MED12L: variants seen among roughly 807,000 people sequenced by gnomAD.
MED12L encodes mediator complex subunit 12L, also known as mediator of RNA polymerase II transcription subunit 12-like protein.
In MED12L, 60 loss-of-function variants were observed where a neutral mutation model predicts 281.3. The ratio of observed to expected loss-of-function variants is 0.21; its 90% CI spans 0.17 to 0.26. MED12L has a LOEUF of 0.26. MED12L is among the 10% of genes least tolerant of loss of function. The probability of loss-of-function intolerance (pLI) is 1.00; values close to 1 mark genes in which losing one functional copy is unlikely to be tolerated. For missense variants in MED12L, 2,146 were observed against 2,680.9 expected, an observed-to-expected ratio of 0.80 and a Z score of 4.41; for synonymous variants, 974 against 987.2, an observed-to-expected ratio of 0.99 and a Z score of 0.25.
At chr3:151,145,692 A>C (rs937853687) in intron 5 of MED12L, among the ~76,000 whole-genome samples, 3 of 152,178 alleles carry the variant, frequency 2.0e-5, no homozygotes, top group Non-Finnish European at 4.4e-5. Context: ...AGTTATCTCA[A>C]AATAAGAAGT....
At chr3:151,340,835 A>G (rs959117405) in intron 16 of MED12L, 4 of 152,536 alleles carry the variant, frequency 2.6e-5, no homozygotes, top group Admixed American at 1.3e-4. Flanking sequence ...ACTCAAAGCT[A>G]TGCAGACACT....
Position 151,376,168 on chromosome 3 carries a change from C to T in MED12L, c.4007C>T (p.Thr1336Ile), listed in dbSNP as rs769743820. The T allele has an allele frequency of 5.6e-6, 9 of 1,605,704 alleles. No individual in the cohort carries two copies. The highest frequency in any genetic ancestry group is 7.6e-6 in the Non-Finnish European group (9 of 1,177,026). ...TATCCTCATGGCATTAAAGAATGTACCGAGGGGGACAATCTGCAAAGACAG... is the reference window on the plus strand; with the variant it reads ...TATCCTCATGGCATTAAAGAATGTATCGAGGGGGACAATCTGCAAAGACAG... ...ICYPHGIKEC[T>I]EGDNLQRQHI... The change falls in exon 28 of 45, where the codon ACC becomes ATC. Residue 1336 changes from threonine to isoleucine, a missense_variant. Coordinates refer to ENST00000687756, the MANE Select transcript of MED12L (RefSeq NM_001393769.1).
At chr3:151,151,382 C>G (rs928133954) in intron 5 of MED12L, among the ~76,000 whole-genome samples, 105 of 151,998 alleles carry the variant, frequency 6.9e-4, no homozygotes, top group African/African-American at 2.5e-3. Context: ...CCTTTGCGTC[C>G]ACAGGTTGGC....
chr3:151,094,659 A>C (rs956990992), intron 2 of MED12L, among the ~76,000 whole-genome samples: 2 of 152,214 alleles, frequency 1.3e-5, no homozygotes, highest in Non-Finnish European at 2.9e-5. Flanking sequence ...CAGTAGCTTA[A>C]TTTTGACTTA....
At chr3:151,415,399 C>G (rs995475289) in intron 42 of MED12L, among the ~76,000 whole-genome samples, 5 of 152,202 alleles carry the variant, frequency 3.3e-5, no homozygotes, top group African/African-American at 1.2e-4. Flanking sequence ...ATATTGCAGT[C>G]ATTGTGATTT....
intron 6 of MED12L, among the ~76,000 whole-genome samples, chr3:151,156,617 T>C (rs1183663382): frequency 6.6e-6 from 1 of 152,184 alleles, no homozygotes; most frequent in Non-Finnish European, 1.5e-5. Flanking sequence ...AACCTTTTAT[T>C]TTGCAAAATT....
chr3:151,388,514 T>A (rs531296986), intron 37 of MED12L, among the ~76,000 whole-genome samples: 222 of 152,364 alleles, frequency 1.5e-3, no homozygotes, highest in African/African-American at 4.9e-3. Flanking sequence ...ATTTTTAATA[T>A]GTCTAAAATA....
rs142207109 is a variant in MED12L at position 151,165,862 on chromosome 3, G to C, written c.1374G>C (p.Arg458=). 96 of 1,613,592 alleles carry C rather than the reference G, an allele frequency of 5.9e-5. No individual in the cohort carries two copies. Among genetic ancestry groups the C allele is most frequent in the Non-Finnish European group, 6.2e-5 (73 of 1,179,920 alleles). The change falls in exon 11 of 45, where the codon CGG becomes CGC. Residue 458 remains arginine (R), a synonymous_variant. Coordinates refer to ENST00000687756, the MANE Select transcript of MED12L (RefSeq NM_001393769.1). ...QESTAGVTIS[R]VLHTLEVLDR... ...TGCCTATAGGGGTGACTATTAGTCG[G>C]GTTTTGCACACGTTGGAAGTTTTGG...
intron 3 of MED12L, among the ~76,000 whole-genome samples, chr3:151,119,021 T>G (rs753373837): frequency 3.9e-5 from 6 of 152,164 alleles, no homozygotes; most frequent in Non-Finnish European, 8.8e-5. Context: ...TTGGTCTACT[T>G]TAAAAAATTG....
At chr3:151,417,441 A>G (rs916137914) in intron 43 of MED12L, among the ~76,000 whole-genome samples, 3 of 148,394 alleles carry the variant, frequency 2.0e-5, no homozygotes, top group African/African-American at 7.5e-5. Flanking sequence ...CATTTAACAA[A>G]CTCTGCGTAA....
chr3:151,338,174 C>G (rs533622869), intron 16 of MED12L: 20 of 1,613,918 alleles, frequency 1.2e-5, no homozygotes, highest in Non-Finnish European at 1.7e-5. Flanking sequence ...TACCTACACC[C>G]CTCGTTCTTA....
intron 16 of MED12L, among the ~76,000 whole-genome samples, chr3:151,267,203 G>A (rs1208590732): frequency 3.3e-5 from 5 of 152,136 alleles, no homozygotes; most frequent in Non-Finnish European, 5.9e-5. Flanking sequence ...ATTCCTTACT[G>A]GGAGATTTTT....
At chr3:151,152,975 C>T (rs1357387217) in intron 5 of MED12L, among the ~76,000 whole-genome samples, 3 of 152,190 alleles carry the variant, frequency 2.0e-5, no homozygotes, top group Admixed American at 6.5e-5. Context: ...TGCAGGTATC[C>T]CAGGCCTGGG....
chr3:151,395,571 T>A (rs925636500), intron 39 of MED12L, among the ~76,000 whole-genome samples: 1 of 152,228 alleles, frequency 6.6e-6, no homozygotes, highest in East Asian at 1.9e-4. Context: ...GGATTTCTTT[T>A]TCTAGTTTCT....
chr3:151,372,954 C>T (rs1000200629), intron 27 of MED12L, among the ~76,000 whole-genome samples, 188 bp downstream of exon 27: 1 of 152,052 alleles, frequency 6.6e-6, no homozygotes, highest in African/African-American at 2.4e-5. Flanking sequence ...ATCCTTTACA[C>T]GGATTTACTA....
chr3:151,215,916 G>A (rs888957462), intron 16 of MED12L, among the ~76,000 whole-genome samples: 2 of 152,150 alleles, frequency 1.3e-5, no homozygotes, highest in African/African-American at 4.8e-5. Flanking sequence ...TTTCATTTGT[G>A]TGGAAAACTG....
rs773774166 is a variant in MED12L at position 151,382,734 on chromosome 3, C to T, written c.4669C>T (p.Arg1557Cys). 3 of 1,609,150 alleles carry T rather than the reference C, an allele frequency of 1.9e-6. No homozygotes were observed. Among genetic ancestry groups the T allele is most frequent in the Non-Finnish European group, 2.5e-6 (3 of 1,177,352 alleles). The change falls in exon 33 of 45, where the codon CGC (arginine) becomes TGC (cysteine). Residue 1557 changes from arginine (R) to cysteine (C), a missense_variant. By Grantham distance (180) the Arg-to-Cys change is radical. Around this residue, in one of 9 missense-constraint regions of MED12L, gnomAD observed 212 missense variants for 340.8 expected, o/e 0.62. Coordinates refer to ENST00000687756, the MANE Select transcript of MED12L (RefSeq NM_001393769.1). Reference protein sequence around the residue: ...RQMMHEALQLRLNLVGGMFDT... With the variant: ...RQMMHEALQLCLNLVGGMFDT... Reference sequence around the variant, plus strand: ...GATGATGCACGAAGCATTGCAACTCCGCCTAAATTTGGTAAGTGACATTTC... The same window carrying T: ...GATGATGCACGAAGCATTGCAACTCTGCCTAAATTTGGTAAGTGACATTTC...
intron 16 of MED12L, among the ~76,000 whole-genome samples, chr3:151,315,530 A>T (rs937321670): frequency 6.6e-6 from 1 of 152,194 alleles, no homozygotes; most frequent in African/African-American, 2.4e-5. Context: ...CCTTGTCCTT[A>T]ACCCATGTAT....
intron 16 of MED12L, among the ~76,000 whole-genome samples, chr3:151,346,600 C>A (rs1752574610): frequency 6.6e-6 from 1 of 152,080 alleles, no homozygotes; most frequent in Non-Finnish European, 1.5e-5. Context: ...CAGTGACACT[C>A]TTTCTTATGT....
Sources: allele counts gnomAD v4.1 joint callset (sites outside exome capture counted in the v4.1 genomes callset), GRCh38; gene constraint gnomAD v4.1.1; regional missense constraint gnomAD v4.1.1; transcripts MANE v1.5; gene names NCBI Gene and HGNC (gene_info 2026-07-23, HGNC 2026-07-21).